The following CSMD1 variants were observed in gnomAD, a reference collection of about 807,000 sequenced individuals.
CSMD1 encodes the protein CUB and Sushi multiple domains 1.
A neutral mutation model predicts 417.5 loss-of-function variants in CSMD1; 213 were observed. The ratio of observed to expected loss-of-function variants is 0.51; its 90% CI spans 0.46 to 0.57. The LOEUF is 0.57. Among genes scored for constraint, CSMD1 ranks in the 20% least tolerant of loss-of-function variants. The pLI is 0.00. For synonymous variants in CSMD1, 2,862 were observed against 1,736.8 expected, an observed-to-expected ratio of 1.65 and a Z score of -16.11; for missense variants, 6,923 against 4,529.7, an observed-to-expected ratio of 1.53 and a Z score of -15.17.
intron 47 of CSMD1, among the ~76,000 whole-genome samples, chr8:3,095,313 G>T (rs541265476): frequency 2.0e-5 from 3 of 152,138 alleles, no homozygotes; most frequent in Admixed American, 2.0e-4. Context: ...TACCTAATAG[G>T]CCTCAAATAG....
At chr8:3,648,929 T>A (rs1250442552) in intron 7 of CSMD1, among the ~76,000 whole-genome samples, 2 of 152,216 alleles carry the variant, frequency 1.3e-5, no homozygotes, top group Non-Finnish European at 2.9e-5. Flanking sequence ...AACAGCTATT[T>A]TTTTTTCTTT....
At chr8:4,667,530 A>G (rs1236748898) in intron 1 of CSMD1, among the ~76,000 whole-genome samples, 5 of 151,846 alleles carry the variant, frequency 3.3e-5, no homozygotes, top group Non-Finnish European at 5.9e-5. Context: ...TCTTTTTAAA[A>G]TTTTCCTATA....
intron 28 of CSMD1, 22 bp downstream of exon 28, chr8:3,223,707 G>C (rs773510269): frequency 8.1e-6 from 13 of 1,612,074 alleles, no homozygotes; most frequent in Non-Finnish European, 1.1e-5. Context: ...ACTAAAAAGA[G>C]GTATTCTGCA....
chr8:3,684,270 A>G (rs1799822693), intron 7 of CSMD1, among the ~76,000 whole-genome samples: 3 of 144,384 alleles, frequency 2.1e-5, no homozygotes. Flanking sequence ...ATATAGCTAT[A>G]TGTTATATAT....
At chr8:4,045,822 T>A (rs1216419619) in intron 3 of CSMD1, among the ~76,000 whole-genome samples, 6 of 152,154 alleles carry the variant, frequency 3.9e-5, no homozygotes, top group African/African-American at 7.2e-5. Context: ...TCTCAGCATC[T>A]TCATCATCCC....
chr8:4,364,499 A>C (rs929693933), intron 3 of CSMD1, among the ~76,000 whole-genome samples: 1 of 152,228 alleles, frequency 6.6e-6, no homozygotes. Context: ...TTTCTAGAAG[A>C]CTCTACATTG....
At chr8:3,652,151 A>G (rs1797889864) in intron 7 of CSMD1, among the ~76,000 whole-genome samples, 1 of 148,818 alleles carries the variant, frequency 6.7e-6, no homozygotes, top group African/African-American at 2.5e-5. Flanking sequence ...CAGAGCGCTT[A>G]CCACCATCAG....
intron 3 of CSMD1, among the ~76,000 whole-genome samples, chr8:4,076,341 C>G (rs955188901): frequency 2.0e-5 from 3 of 152,186 alleles, no homozygotes; most frequent in Admixed American, 6.5e-5. Flanking sequence ...AACTGTGTGT[C>G]AATCAAACCT....
intron 1 of CSMD1, among the ~76,000 whole-genome samples, chr8:4,650,146 C>T (rs1047514188): frequency 6.6e-6 from 1 of 151,898 alleles, no homozygotes; most frequent in East Asian, 1.9e-4. Flanking sequence ...GAGATCGAGA[C>T]CATCCTGGCT....
chr8:4,401,627 G>C (rs1040397560), intron 3 of CSMD1, among the ~76,000 whole-genome samples: 10 of 152,004 alleles, frequency 6.6e-5, no homozygotes, highest in East Asian at 1.9e-4. Flanking sequence ...AAGAATCCCG[G>C]ATTCTGTGTC....
intron 12 of CSMD1, among the ~76,000 whole-genome samples, chr8:3,447,842 G>T (rs955986583): frequency 1.3e-5 from 2 of 152,106 alleles, no homozygotes; most frequent in Non-Finnish European, 2.9e-5. Flanking sequence ...TGAGATGGAG[G>T]CCATCGGAGG....
intron 2 of CSMD1, among the ~76,000 whole-genome samples, chr8:4,513,684 A>G (rs1383915381): frequency 6.6e-6 from 1 of 152,200 alleles, no homozygotes; most frequent in Non-Finnish European, 1.5e-5. Flanking sequence ...GAGAAAGGTA[A>G]TTTCATTTTC....
At chr8:4,527,201 T>G (rs1008115523) in intron 2 of CSMD1, among the ~76,000 whole-genome samples, 24 of 152,176 alleles carry the variant, frequency 1.6e-4, no homozygotes, top group African/African-American at 4.6e-4. Flanking sequence ...CCAAATCAGA[T>G]TTAGTTGTTT....
chr8:3,059,675 G>A (rs1449603150), intron 49 of CSMD1, among the ~76,000 whole-genome samples: 2 of 152,162 alleles, frequency 1.3e-5, no homozygotes, highest in Non-Finnish European at 2.9e-5. Context: ...AGGGTCCTGA[G>A]TGGGGCAGAC....
intron 1 of CSMD1, among the ~76,000 whole-genome samples, chr8:4,916,599 A>C (rs1212415226): frequency 6.6e-6 from 1 of 152,238 alleles, no homozygotes; most frequent in Admixed American, 6.5e-5. Flanking sequence ...TGAAAATATC[A>C]GATCATCCTA....
At chr8:4,267,524 G>C (rs1182028937) in intron 3 of CSMD1, among the ~76,000 whole-genome samples, 1 of 151,652 alleles carries the variant, frequency 6.6e-6, no homozygotes, top group Non-Finnish European at 1.5e-5. Flanking sequence ...ATTGATCCCA[G>C]CTACACTGCA....
intron 1 of CSMD1, among the ~76,000 whole-genome samples, chr8:4,876,647 A>T (rs1803058988): frequency 6.6e-6 from 1 of 152,076 alleles, no homozygotes; most frequent in African/African-American, 2.4e-5. Context: ...GAAAAGCACA[A>T]TGCAATGTGT....
intron 68 of CSMD1, among the ~76,000 whole-genome samples, chr8:2,946,857 G>T (rs1254634320): frequency 6.6e-6 from 1 of 152,188 alleles, no homozygotes; most frequent in Non-Finnish European, 1.5e-5. Flanking sequence ...AAGTAGGACA[G>T]TTCCAGTTCC....
At chr8:4,582,662 G>T (rs1442149016) in intron 2 of CSMD1, among the ~76,000 whole-genome samples, 1 of 152,220 alleles carries the variant, frequency 6.6e-6, no homozygotes, top group African/African-American at 2.4e-5. Context: ...GTGACAGCAG[G>T]CTGGCAGTCC....
Sources: allele counts gnomAD v4.1 joint callset (sites outside exome capture counted in the v4.1 genomes callset), GRCh38; gene constraint gnomAD v4.1.1; transcripts MANE v1.5; gene names NCBI Gene and HGNC (gene_info 2026-07-23, HGNC 2026-07-21).